Variants in EPHA6 observed in about 807,000 individuals in gnomAD.
The protein encoded by EPHA6 is EPH receptor A6, also known as ephrin type-A receptor 6.
Under a neutral mutation model 112.0 loss-of-function variants are expected in EPHA6, and 50 were observed. The observed-to-expected ratio is 0.45, with a 90% CI of 0.36 to 0.56. The LOEUF is 0.56. Ranked by LOEUF, EPHA6 falls within the 20% of genes least tolerant of loss-of-function variation. The pLI, the probability that EPHA6 is intolerant of heterozygous loss-of-function variation, is 0.00. For missense variants in EPHA6, 1,280 were observed against 1,417.4 expected (o/e 0.90, Z 1.56); for synonymous variants, 529 against 490.7 (o/e 1.08, Z -1.03).
At chr3:97,505,823 T>C (rs1261451909) in intron 10 of EPHA6, among the ~76,000 whole-genome samples, 4 of 152,236 alleles carry the variant, frequency 2.6e-5, no homozygotes, top group Non-Finnish European at 2.9e-5. Flanking sequence ...GTGTTCCTAT[T>C]TCTCCACATC....
At chr3:97,601,733 G>A (rs1191286919) in intron 12 of EPHA6, among the ~76,000 whole-genome samples, 1 of 152,008 alleles carries the variant, frequency 6.6e-6, no homozygotes, top group Non-Finnish European at 1.5e-5. Flanking sequence ...AAAGTAGTCA[G>A]TGGTTTAATT....
chr3:97,073,119 C>CA (rs1185389516), intron 3 of EPHA6, among the ~76,000 whole-genome samples: 1 of 152,012 alleles, frequency 6.6e-6, no homozygotes, highest in African/African-American at 2.4e-5. Context: ...TTACCTGTGG[C>CA]ACTCTACACC....
intron 5 of EPHA6, among the ~76,000 whole-genome samples, chr3:97,342,026 T>C (rs764899302): frequency 2.0e-5 from 3 of 152,138 alleles, no homozygotes; most frequent in Non-Finnish European, 4.4e-5. Flanking sequence ...TTCTGTAACA[T>C]AGAGAGAGGA....
chr3:96,907,543 G>A (rs566589165), intron 2 of EPHA6, among the ~76,000 whole-genome samples: 1 of 151,166 alleles, frequency 6.6e-6, no homozygotes, highest in East Asian at 1.9e-4. Context: ...CATTGATATT[G>A]CATCTTTTGT....
intron 11 of EPHA6, among the ~76,000 whole-genome samples, chr3:97,579,670 C>T (rs148453987): frequency 5.3e-3 from 809 of 152,210 alleles, no homozygotes; most frequent in Non-Finnish European, 8.3e-3. Flanking sequence ...AGAACACATG[C>T]GCCAGTATGT....
At chr3:97,483,494 G>A (rs2091613907) in intron 9 of EPHA6, among the ~76,000 whole-genome samples, 1 of 152,290 alleles carries the variant, frequency 6.6e-6, no homozygotes, top group East Asian at 1.9e-4. Context: ...GAGACCACAG[G>A]AATAGGGCAT....
At chr3:96,924,262 G>T (rs890678148) in intron 2 of EPHA6, among the ~76,000 whole-genome samples, 15 of 152,106 alleles carry the variant, frequency 9.9e-5, no homozygotes, top group African/African-American at 3.6e-4. Flanking sequence ...TCACAATGTT[G>T]TTTCTTCTTC....
In EPHA6 at chr3:97,760,694, T is replaced by A. The variant is rs945409282; in HGVS notation, c.*11993T>A. The A allele has an allele frequency of 2.2e-5, 4 of 181,946 alleles. No individual in the cohort carries two copies. Among genetic ancestry groups the A allele is most frequent in the Non-Finnish European group, 4.7e-5 (4 of 85,316 alleles). The allele number at this position is 181,946 out of a possible 1,614,324, so 11.3% of individuals were successfully genotyped here. A position where few individuals can be genotyped will look rare whatever the true frequency, so the allele number is the denominator to read the frequency against. On this transcript the variant is annotated 3_prime_UTR_variant, in exon 18 of 18. Coordinates refer to ENST00000389672, the MANE Select transcript of EPHA6 (RefSeq NM_001080448.3). ...TCTTTGTAGCACAAATCCTGAAGTA[T>A]ATGCAAACTAAATAGCATATTTATA...
chr3:96,871,459 C>A (rs1168359362), intron 2 of EPHA6, among the ~76,000 whole-genome samples: 10 of 151,910 alleles, frequency 6.6e-5, no homozygotes, highest in Admixed American at 6.6e-4. Flanking sequence ...TCTATATAGA[C>A]CATTTGTTTC....
intron 3 of EPHA6, among the ~76,000 whole-genome samples, chr3:97,153,334 T>C (rs909117723): frequency 2.0e-5 from 3 of 152,082 alleles, no homozygotes; most frequent in African/African-American, 7.2e-5. Flanking sequence ...GATTCGATAA[T>C]AGTTTAAACA....
At chr3:97,379,002 G>T (rs55871419) in intron 5 of EPHA6, among the ~76,000 whole-genome samples, 2,993 of 152,224 alleles carry the variant, frequency 0.02, 43 homozygotes, top group Non-Finnish European at 0.028. Context: ...GGAGGGGCCA[G>T]GGTGGAATGT....
chr3:96,946,957 G>C (rs993329003), intron 2 of EPHA6, among the ~76,000 whole-genome samples: 1 of 151,962 alleles, frequency 6.6e-6, no homozygotes, highest in African/African-American at 2.4e-5. Flanking sequence ...GTGTCTGTTG[G>C]CTGCATAAAT....
chr3:97,114,502 C>A (rs1695000366), intron 3 of EPHA6, among the ~76,000 whole-genome samples: 1 of 151,746 alleles, frequency 6.6e-6, no homozygotes, highest in Non-Finnish European at 1.5e-5. Context: ...ATCGTCAGTG[C>A]TTTTTTATTA....
chr3:97,249,475 GAC>G (rs777144464), intron 5 of EPHA6, among the ~76,000 whole-genome samples: 5 of 152,028 alleles, frequency 3.3e-5, no homozygotes, highest in Non-Finnish European at 5.9e-5. Context: ...ATCTTTTTGT[GAC>G]ACACATCTTT....
chr3:97,266,504 GGGCTT>G (rs2079689777), intron 5 of EPHA6, among the ~76,000 whole-genome samples: 7 of 149,606 alleles, frequency 4.7e-5, no homozygotes, highest in Non-Finnish European at 8.8e-5. Flanking sequence ...AAATAAAATC[GGGCTT>G]AAAAAAAAAA....
chr3:97,037,787 C>T (rs2108041813), intron 3 of EPHA6, among the ~76,000 whole-genome samples: 1 of 152,038 alleles, frequency 6.6e-6, no homozygotes, highest in Admixed American at 6.6e-5. Flanking sequence ...TATGTCTAAG[C>T]TAATATTTGC....
At chr3:97,221,363 A>G (rs2078193928) in intron 3 of EPHA6, among the ~76,000 whole-genome samples, 2 of 151,432 alleles carry the variant, frequency 1.3e-5, no homozygotes, top group Non-Finnish European at 1.5e-5. Flanking sequence ...TCTATTCCCA[A>G]ATAGATTTTT....
intron 3 of EPHA6, among the ~76,000 whole-genome samples, chr3:97,211,758 G>A (rs1013843973): frequency 1.3e-5 from 2 of 152,154 alleles, no homozygotes; most frequent in African/African-American, 4.8e-5. Context: ...CTATTCTACA[G>A]AAGTGAAAAC....
In EPHA6 at chr3:97,754,285, TC is replaced by T. The variant is rs1205314670; in HGVS notation, c.*5586del. 6.6e-6 allele frequency among the ~76,000 whole-genome samples: 1 copy of T among 151,882 alleles called. No individual in the cohort carries two copies. The highest frequency in any genetic ancestry group is 1.5e-5 in the Non-Finnish European group (1 of 67,952). Reference sequence around the variant, plus strand: ...GTATTTTTAGTAGAGACGGGATTTCTCCATGTTGGTTAGGCTGGTCTCGAAC... The same window carrying T: ...GTATTTTTAGTAGAGACGGGATTTCTCATGTTGGTTAGGCTGGTCTCGAAC... On this transcript the variant is annotated 3_prime_UTR_variant, in exon 18 of 18. Coordinates refer to ENST00000389672, the MANE Select transcript of EPHA6 (RefSeq NM_001080448.3).
Sources: gnomAD v4.1 joint callset for allele counts (sites outside exome capture counted in the v4.1 genomes callset) on GRCh38, gnomAD v4.1.1 for gene constraint, MANE v1.5 for transcripts, NCBI Gene and HGNC (gene_info 2026-07-23, HGNC 2026-07-21) for gene names.